EVC: variants seen among roughly 807,000 people sequenced by gnomAD.
EVC encodes the protein evC complex member EVC.
In EVC, 116 loss-of-function variants were observed where a neutral mutation model predicts 118.9. That is an observed-to-expected ratio of 0.98 (90% confidence interval 0.84 to 1.14). The LOEUF (loss-of-function observed/expected upper bound fraction) is 1.14, where lower values mean the gene tolerates loss of function less well. Ranked by LOEUF, EVC falls within the 50% of genes most tolerant of loss-of-function variation. The pLI, the probability that EVC is intolerant of heterozygous loss-of-function variation, is 0.00. For synonymous variants in EVC, 619 were observed against 534.7 expected, an observed-to-expected ratio of 1.16 and a Z score of -2.18; for missense variants, 1,401 against 1,246.4, an observed-to-expected ratio of 1.12 and a Z score of -1.87.
intron 11 of EVC, among the ~76,000 whole-genome samples, chr4:5,760,340 C>T (rs1731815786): frequency 6.6e-6 from 1 of 152,008 alleles, no homozygotes; most frequent in Non-Finnish European, 1.5e-5. Context: ...CCTGTGTGGG[C>T]CTAGTTGCTG....
chr4:5,752,905 C>T lies in EVC; in HGVS notation c.1168C>T (p.Gln390Ter), dbSNP rs1560340266. The change falls in exon 9 of 21, where the codon CAG becomes TAG. Residue 390 changes from glutamine to a stop codon, truncating the protein, a stop_gained. Coordinates refer to ENST00000264956, the MANE Select transcript of EVC (RefSeq NM_153717.3). LOFTEE classifies it high-confidence loss of function. Reference sequence around the variant, plus strand: ...GATTGAGTTTCTGAAGCTGCAAGTCCAGGAGGAGACCAGGTGCCGGCTGGC... The same window carrying T: ...GATTGAGTTTCTGAAGCTGCAAGTCTAGGAGGAGACCAGGTGCCGGCTGGC... The part of the protein sequence containing the change: ...KVIEFLKLQV[Q>*]EETRCRLAAI... The T allele has an allele frequency of 1.2e-6, 2 of 1,614,226 alleles. No homozygotes were observed. Among genetic ancestry groups the T allele is most frequent in the African/African-American group, 2.7e-5 (2 of 75,076 alleles).
At chr4:5,816,530 C>T (rs1427584126), downstream of EVC, among the ~76,000 whole-genome samples, 3 of 152,092 alleles carry the variant, frequency 2.0e-5, no homozygotes, top group Non-Finnish European at 4.4e-5. Context: ...CTGTGCAGCA[C>T]CAGAGTCTTG....
Position 5,742,641 on chromosome 4 carries a change from C to T in EVC, c.801+827C>T, listed in dbSNP as rs909005368. On this transcript the variant is annotated intron_variant, in intron 6 of 20. Coordinates refer to ENST00000264956, the MANE Select transcript of EVC (RefSeq NM_153717.3). This position sits in a 1 kb window ranked among gnomAD's most constrained non-coding sequence, Gnocchi z 5.2. Reference sequence around the variant, plus strand: ...AACACCATCACCATCCTCATGTCCTCATTACCATCATCATGAGCATCATTT... The same window carrying T: ...AACACCATCACCATCCTCATGTCCTTATTACCATCATCATGAGCATCATTT... Among the ~76,000 whole-genome samples, 4 of 152,142 alleles carry T rather than the reference C, an allele frequency of 2.6e-5. No homozygotes were observed. The highest frequency in any genetic ancestry group is 4.4e-5 in the Non-Finnish European group (3 of 68,020).
chr4:5,817,247 G>C (rs1717854357), downstream of EVC, among the ~76,000 whole-genome samples: 1 of 152,200 alleles, frequency 6.6e-6, no homozygotes, highest in Admixed American at 6.5e-5. Flanking sequence ...GGCTATAGAG[G>C]CTTCCTGCAC....
chr4:5,741,834 T>C lies in EVC; in HGVS notation c.801+20T>C. On this transcript the variant is annotated intron_variant, in intron 6 of 20. Transcript: ENST00000264956. ...GAAAAAGTAAGTCTTCAACCTATGT[T>C]TCAAGGTAACTTAAAAATAGTTTAT... 1 of 1,321,104 alleles carries C rather than the reference T, an allele frequency of 7.6e-7. No homozygotes were observed. Among genetic ancestry groups the C allele is most frequent in the Non-Finnish European group, 1.1e-6 (1 of 919,974 alleles). The allele number at this position is 1,321,104 out of a possible 1,614,324, so 81.8% of individuals were successfully genotyped here.
chr4:5,761,266 G>T (rs2152119192), intron 11 of EVC, among the ~76,000 whole-genome samples: 1 of 152,210 alleles, frequency 6.6e-6, no homozygotes, highest in East Asian at 1.9e-4. Flanking sequence ...CAGGGAGCAT[G>T]ATCTCAGGAG....
chr4:5,819,150 G>C (rs1366537441), downstream of EVC, among the ~76,000 whole-genome samples: 1 of 152,162 alleles, frequency 6.6e-6, no homozygotes, highest in Admixed American at 6.5e-5. Flanking sequence ...ATTATTGAGA[G>C]ATGGCTCAGA....
chr4:5,712,818 G>A lies in EVC; in HGVS notation c.174+1264G>A, dbSNP rs1402910062. Among the ~76,000 whole-genome samples the A allele has an allele frequency of 2.0e-5, 3 of 152,200 alleles. No individual in the cohort carries two copies. The East Asian group carries it at 5.8e-4, about 29-fold the overall frequency. ...CTAAGAGATGCTGGCTTGTTGCATG[G>A]AGAGAGAAAGGGAAGTAACACACAG... On this transcript the variant is annotated intron_variant, in intron 1 of 20. Coordinates refer to ENST00000264956, the MANE Select transcript of EVC (RefSeq NM_153717.3).
rs1156615807 is a variant in EVC at position 5,738,753 on chromosome 4, G to C, written c.703-2963G>C. Reference sequence around the variant, plus strand: ...AGACAATTTTTGCATTTTTAGTAGAGACGGGGTTTCACCATGTTGGCCAGG... The same window carrying C: ...AGACAATTTTTGCATTTTTAGTAGACACGGGGTTTCACCATGTTGGCCAGG... On this transcript the variant is annotated intron_variant, in intron 5 of 20. Transcript: ENST00000264956. The surrounding 1 kb of genome is among the most constrained non-coding windows in gnomAD (Gnocchi z 6.5). 1.3e-5 allele frequency among the ~76,000 whole-genome samples: 2 copies of C among 151,970 alleles called. No homozygotes were observed. Among genetic ancestry groups the C allele is most frequent in the East Asian group, 1.9e-4 (1 of 5,166 alleles).
intron 5 of EVC, among the ~76,000 whole-genome samples, chr4:5,740,859 A>G (rs956063837): frequency 2.0e-5 from 3 of 152,226 alleles, no homozygotes; most frequent in Non-Finnish European, 2.9e-5. Context: ...TTAAGCCAGC[A>G]TGAAAATCCA....
chr4:5,747,710 C>G (rs1729581104), intron 7 of EVC, among the ~76,000 whole-genome samples: 1 of 152,192 alleles, frequency 6.6e-6, no homozygotes, highest in Admixed American at 6.5e-5. Flanking sequence ...CCATATTAAG[C>G]TTTTGTACTT....
chr4:5,791,718 C>A lies in EVC; in HGVS notation c.1777-1890C>A, dbSNP rs181156078. Among the ~76,000 whole-genome samples, 9 of 152,158 alleles carry A rather than the reference C, an allele frequency of 5.9e-5. 1 individual carries two copies. The highest frequency in any genetic ancestry group is 2.2e-4 in the African/African-American group (9 of 41,500). The stretch of plus-strand genomic sequence containing the variant: ...GTTCTCCTATTGAACAACCAACCAC[C>A]GAGCATCCACATGATGAGGCCCCTC... On this transcript the variant is annotated intron_variant, in intron 12 of 20. Transcript: ENST00000264956.
At chr4:5,816,903 C>T (rs1297156751), downstream of EVC, among the ~76,000 whole-genome samples, 1 of 152,166 alleles carries the variant, frequency 6.6e-6, no homozygotes, top group Admixed American at 6.5e-5. Flanking sequence ...TTAGTTGACC[C>T]TTCAACCTCC....
At chr4:5,805,329 A>C (rs914172974) in intron 17 of EVC, among the ~76,000 whole-genome samples, 1 of 152,204 alleles carries the variant, frequency 6.6e-6, no homozygotes, top group African/African-American at 2.4e-5. Context: ...CCTGTCCCAC[A>C]GTGCTGGAGG....
At chr4:5,786,900 G>T (rs1298074745) in intron 12 of EVC, among the ~76,000 whole-genome samples, 1 of 150,504 alleles carries the variant, frequency 6.6e-6, no homozygotes, top group Non-Finnish European at 1.5e-5. Flanking sequence ...ATTAACACAC[G>T]ATAGTTAGAG....
chr4:5,796,661 G>C (rs1371038572), intron 13 of EVC, among the ~76,000 whole-genome samples: 3 of 151,920 alleles, frequency 2.0e-5, no homozygotes, highest in Non-Finnish European at 4.4e-5. Flanking sequence ...TCTCTGGCAG[G>C]CTGAGTTTTT....
At chr4:5,810,843 TTTTGA>T in intron 20 of EVC, 105 bp from the exon 21 acceptor site, 1 of 1,084,586 alleles carries the variant, frequency 9.2e-7, no homozygotes, top group Non-Finnish European at 1.4e-6. Context: ...GTAAAAATTG[TTTTGA>T]TCACCTTTGG....
intron 13 of EVC, among the ~76,000 whole-genome samples, chr4:5,794,530 C>T (rs987018370): frequency 1.3e-5 from 2 of 151,226 alleles, no homozygotes; most frequent in African/African-American, 2.4e-5. Flanking sequence ...CCAGCTTCAG[C>T]CTCCCGAGTA....
intron 11 of EVC, among the ~76,000 whole-genome samples, chr4:5,759,451 C>G (rs1044315705): frequency 3.9e-5 from 6 of 152,046 alleles, no homozygotes; most frequent in Non-Finnish European, 7.4e-5. Flanking sequence ...AATTCCCAGC[C>G]GGGCCACTTA....
Sources: allele counts gnomAD v4.1 joint callset (sites outside exome capture counted in the v4.1 genomes callset), GRCh38; gene constraint gnomAD v4.1.1; non-coding constraint Gnocchi (gnomAD v3.1); transcripts MANE v1.5; gene names NCBI Gene and HGNC (gene_info 2026-07-23, HGNC 2026-07-21).